PDZD8: variants seen among roughly 807,000 people sequenced by gnomAD.
The protein encoded by PDZD8 is PDZ domain-containing protein 8.
A neutral mutation model predicts 85.8 loss-of-function variants in PDZD8; 14 were observed. The observed-to-expected ratio is 0.16, with a 90% CI of 0.11 to 0.26. The LOEUF (loss-of-function observed/expected upper bound fraction) is 0.26, where lower values mean the gene tolerates loss of function less well. PDZD8 is among the 10% of genes least tolerant of loss of function. The pLI is 1.00. For synonymous variants in PDZD8, 592 were observed against 568.6 expected, an observed-to-expected ratio of 1.04 and a Z score of -0.59; for missense variants, 1,197 against 1,424.3, an observed-to-expected ratio of 0.84 and a Z score of 2.57.
At chr10:117,317,988 C>G (rs979227874) in intron 3 of PDZD8, among the ~76,000 whole-genome samples, 1 of 152,076 alleles carries the variant, frequency 6.6e-6, no homozygotes, top group Non-Finnish European at 1.5e-5. Flanking sequence ...TTCATACTGC[C>G]CAATTTTTAT....
At position 117,375,346 on chromosome 10, in the gene PDZD8, T is replaced by C; in HGVS notation, c.-119A>G. 6 of 844,638 alleles carry C rather than the reference T, an allele frequency of 7.1e-6. No homozygotes were observed. The highest frequency in any genetic ancestry group is 9.9e-6 in the Non-Finnish European group (6 of 606,128). 52.3% of individuals were successfully genotyped at this position (844,638 alleles called of 1,614,324 possible). On this transcript the variant is annotated 5_prime_UTR_variant, in exon 1 of 5. Transcript: ENST00000334464. ...GGGCGGCTGGGTCGGGGCGAGCGGC[T>C]CCGTGGGCCTCGTCCAGGGGCTCGG... is the stretch of plus-strand genomic sequence containing the variant.
Position 117,315,912 on chromosome 10 carries a change from A to G in PDZD8, c.1098+2960T>C, listed in dbSNP as rs181188225. 5.9e-5 allele frequency among the ~76,000 whole-genome samples: 9 copies of G among 152,320 alleles called. No individual in the cohort carries two copies. The East Asian group carries it at 1.7e-3, about 29-fold the overall frequency. On this transcript the variant is annotated intron_variant, in intron 3 of 4. Transcript: ENST00000334464. ...ATGGCCTGAAACTTTTTAAAATCTG[A>G]AAACTCCTTAAATTTCTTTCTTGGT... is the stretch of plus-strand genomic sequence containing the variant.
At chr10:117,338,662 T>G (rs552894100) in intron 2 of PDZD8, among the ~76,000 whole-genome samples, 70 of 152,310 alleles carry the variant, frequency 4.6e-4, no homozygotes, top group African/African-American at 1.7e-3. Context: ...TTTCAGAGAT[T>G]TATTACACAG....
At chr10:117,351,183 T>C (rs1049218747) in intron 1 of PDZD8, among the ~76,000 whole-genome samples, 3 of 152,134 alleles carry the variant, frequency 2.0e-5, no homozygotes, top group Non-Finnish European at 2.9e-5. Context: ...CTCCTCGATA[T>C]ACCCAAGAGA....
rs1443544796 is a variant in PDZD8 at position 117,277,889 on chromosome 10, TAGAG to T, written c.*5375_*5378del. On this transcript the variant is annotated 3_prime_UTR_variant, in exon 5 of 5. Transcript: ENST00000334464. ...TTAGTTTTCTATGTAATCACCTACC[TAGAG>T]AGAGTTGTAAATTATATGTTAACAT... 1 of 152,202 alleles carries T rather than the reference TAGAG, an allele frequency of 6.6e-6. No homozygotes were observed. The highest frequency in any genetic ancestry group is 6.5e-5 in the Admixed American group (1 of 15,282). The allele number at this position is 152,202 out of a possible 1,614,324, so 9.4% of individuals were successfully genotyped here. A position where few individuals can be genotyped will look rare whatever the true frequency, so the allele number is the denominator to read the frequency against.
chr10:117,358,840 T>C (rs1372313977), intron 1 of PDZD8, among the ~76,000 whole-genome samples: 1 of 152,206 alleles, frequency 6.6e-6, no homozygotes, highest in Non-Finnish European at 1.5e-5. Context: ...ATAAGGCATC[T>C]GGCCCAGTGA....
rs1844633251 is a variant in PDZD8, at chr10:117,284,894, A to T, written c.1839T>A (p.Asp613Glu). The T allele has an allele frequency of 6.2e-7, 1 of 1,614,178 alleles. No individual in the cohort carries two copies. The highest frequency in any genetic ancestry group is 8.5e-7 in the Non-Finnish European group (1 of 1,180,020). Residue 613 changes from aspartate to glutamate, a missense_variant, in exon 5 of 5, where the codon GAT (aspartate) becomes GAA (glutamate). Physicochemically the swap from Asp to Glu is conservative, Grantham distance 45 (BLOSUM62 2). Transcript: ENST00000334464. ...SADAPNQAEP[D>E]VLVEKPEKVV... ...CCTTCTCTGGCTTTTCAACGAGAAC[A>T]TCTGGTTCTGCCTGATTTGGAGCAT...
In PDZD8 at chr10:117,280,169, TGAA is replaced by T. The variant is rs1445855255; in HGVS notation, c.*3096_*3098del. 2 of 152,170 alleles carry T rather than the reference TGAA, an allele frequency of 1.3e-5. No individual in the cohort carries two copies. Among genetic ancestry groups the T allele is most frequent in the Non-Finnish European group, 2.9e-5 (2 of 68,022 alleles). 9.4% of individuals were successfully genotyped at this position (152,170 alleles called of 1,614,324 possible). A position where few individuals can be genotyped will look rare whatever the true frequency, so the allele number is the denominator to read the frequency against. On this transcript the variant is annotated 3_prime_UTR_variant, in exon 5 of 5. Transcript: ENST00000334464. ...CTGATATTGAATATAAGGCTTGATA[TGAA>T]GAAGTATAGCCTATTATGATTGCTA...
chr10:117,349,796 C>A (rs1844772495), intron 1 of PDZD8, among the ~76,000 whole-genome samples: 1 of 151,662 alleles, frequency 6.6e-6, no homozygotes, highest in East Asian at 1.9e-4. Flanking sequence ...GAGTAAGACC[C>A]ACTCTCAAAA....
intron 2 of PDZD8, among the ~76,000 whole-genome samples, chr10:117,328,284 C>G (rs886481959): frequency 6.6e-6 from 1 of 152,166 alleles, no homozygotes; most frequent in East Asian, 1.9e-4. Flanking sequence ...TGCTTTTGAC[C>G]TGACATCAAT....
rs759713780 is a variant in PDZD8, at chr10:117,284,461, C to G, written c.2272G>C (p.Glu758Gln). Reference protein sequence around the residue: ...NTEYLSKLRLEAPSPKAIVTR... With the variant: ...NTEYLSKLRLQAPSPKAIVTR... ...ACTATAGCCTTAGGTGAGGGGGCTTCCAGTCTCAATTTGGAAAGGTATTCC... is the reference window on the plus strand; with the variant it reads ...ACTATAGCCTTAGGTGAGGGGGCTTGCAGTCTCAATTTGGAAAGGTATTCC... Residue 758 changes from glutamate to glutamine, a missense_variant, in exon 5 of 5, where the codon GAA becomes CAA. By Grantham distance (29) the Glu-to-Gln change is conservative (BLOSUM62 2). Around this residue, in one of 4 missense-constraint regions of PDZD8, gnomAD observed 418 missense variants for 571.1 expected, o/e 0.73. Transcript: ENST00000334464. The G allele has an allele frequency of 6.2e-7, 1 of 1,614,082 alleles. No individual in the cohort carries two copies. Among genetic ancestry groups the G allele is most frequent in the Non-Finnish European group, 8.5e-7 (1 of 1,180,000 alleles).
chr10:117,368,301 A>G (rs1275366439), intron 1 of PDZD8, among the ~76,000 whole-genome samples: 2 of 152,232 alleles, frequency 1.3e-5, no homozygotes, highest in African/African-American at 4.8e-5. Flanking sequence ...AGTACAAGAA[A>G]AAGCACAACA....
chr10:117,301,139 C>T (rs1328492694), intron 3 of PDZD8, among the ~76,000 whole-genome samples: 2 of 152,048 alleles, frequency 1.3e-5, no homozygotes, highest in Non-Finnish European at 1.5e-5. Context: ...CAGGTGCGTG[C>T]CACCACACCT....
rs71013659 is a variant in PDZD8 at position 117,325,404 on chromosome 10, C to CTTT, written c.996-6433_996-6431dup. 5.5e-3 allele frequency among the ~76,000 whole-genome samples: 545 copies of CTTT among 99,844 alleles called. 41 individuals carry two copies. Among genetic ancestry groups the CTTT allele is most frequent in the African/African-American group, 0.019 (523 of 27,240 alleles). 65.5% of individuals were successfully genotyped at this position (99,844 alleles called of 152,430 possible). On this transcript the variant is annotated intron_variant, in intron 2 of 4. Coordinates refer to ENST00000334464, the MANE Select transcript of PDZD8 (RefSeq NM_173791.5). ...CTATCAAAAGTTCCAGAAAAGCCAACTTTTTTTTTTTTTTTTGAGACAGAG... is the reference window on the plus strand; with the variant it reads ...CTATCAAAAGTTCCAGAAAAGCCAACTTTTTTTTTTTTTTTTTTTGAGACAGAG...
intron 1 of PDZD8, among the ~76,000 whole-genome samples, chr10:117,368,239 C>T (rs1845124100): frequency 6.6e-6 from 1 of 152,140 alleles, no homozygotes; most frequent in Admixed American, 6.5e-5. Flanking sequence ...AGACAATGAT[C>T]TTGCAATTCA....
In PDZD8 at chr10:117,294,437, A is replaced by G. The variant is rs372600981; in HGVS notation, c.1099-4089T>C. Among the ~76,000 whole-genome samples, 22 of 152,282 alleles carry G rather than the reference A, an allele frequency of 1.4e-4. 1 individual carries two copies. In the South Asian group the frequency reaches 4.1e-3, roughly 29 times the overall value. On this transcript the variant is annotated intron_variant, in intron 3 of 4. Transcript: ENST00000334464. ...AGATTAGTTACAGCTATTATGAAAA[A>G]CAGTACAGTGGTTCCTCAAAAATTT...
At chr10:117,311,014 T>C (rs1844027748) in intron 3 of PDZD8, among the ~76,000 whole-genome samples, 1 of 152,202 alleles carries the variant, frequency 6.6e-6, no homozygotes, top group African/African-American at 2.4e-5. Flanking sequence ...GGTGGGCTTG[T>C]AGGTGCATTC....
chr10:117,327,414 T>C (rs751684659), intron 2 of PDZD8, among the ~76,000 whole-genome samples: 7 of 152,190 alleles, frequency 4.6e-5, no homozygotes, highest in Non-Finnish European at 7.4e-5. Context: ...TATAAGCAAA[T>C]AGATGCCAAC....
chr10:117,289,737 G>C (rs1331244310), intron 4 of PDZD8, among the ~76,000 whole-genome samples: 1 of 152,180 alleles, frequency 6.6e-6, no homozygotes, highest in Non-Finnish European at 1.5e-5. Context: ...TGCCCTCCTG[G>C]AAAAGGAATG....
Sources: allele counts gnomAD v4.1 joint callset (sites outside exome capture counted in the v4.1 genomes callset), GRCh38; gene constraint gnomAD v4.1.1; regional missense constraint gnomAD v4.1.1; transcripts MANE v1.5; gene names NCBI Gene and HGNC (gene_info 2026-07-23, HGNC 2026-07-21).